Variants in HMGCS2 observed in about 807,000 individuals in gnomAD.
The protein encoded by HMGCS2 is 3-hydroxy-3-methylglutaryl-CoA synthase 2.
Under a neutral mutation model 57.4 loss-of-function variants are expected in HMGCS2, and 50 were observed. The observed-to-expected ratio is 0.87, with a 90% CI of 0.69 to 1.10. The LOEUF is 1.10. Ranked by LOEUF, HMGCS2 falls within the 50% of genes least tolerant of loss-of-function variation. The pLI, the probability that HMGCS2 is intolerant of heterozygous loss-of-function variation, is 0.00. For missense variants in HMGCS2, 627 were observed against 636.5 expected (o/e 0.99, Z 0.16); for synonymous variants, 254 against 245.1 (o/e 1.04, Z -0.34).
At chr1:119,767,462 C>T (rs1653273077) in intron 1 of HMGCS2, among the ~76,000 whole-genome samples, 1 of 152,094 alleles carries the variant, frequency 6.6e-6, no homozygotes, top group Admixed American at 6.6e-5. Flanking sequence ...AGCAGGGAGA[C>T]AATATGTGAG....
Position 119,764,549 on chromosome 1 carries a change from A to ATTGGCCTCCAGGGCCATATTGG in HMGCS2, c.181_182insCCAATATGGCCCTGGAGGCCAA (p.Val61AlafsTer19), listed in dbSNP as rs1553241079. Reference sequence around the variant, plus strand: ...GTCCACATATTGGGCTGGGAAGTAGACCTCCAGGGCCAGGATGCCCACGTC... The same window carrying ATTGGCCTCCAGGGCCATATTGG: ...GTCCACATATTGGGCTGGGAAGTAGATTGGCCTCCAGGGCCATATTGGCCTCCAGGGCCAGGATGCCCACGTC... On this transcript the variant is annotated frameshift_variant, in exon 2 of 10. Transcript: ENST00000369406. LOFTEE classifies it high-confidence loss of function. The ATTGGCCTCCAGGGCCATATTGG allele has an allele frequency of 1.5e-5, 25 of 1,614,096 alleles. No individual in the cohort carries two copies. In the South Asian group the frequency reaches 2.7e-4, roughly 18 times the overall value.
intron 4 of HMGCS2, 96 bp from the exon 5 acceptor site, chr1:119,757,534 T>TC: frequency 6.3e-7 from 1 of 1,591,728 alleles, no homozygotes. Context: ...TCTCCAGGCC[T>TC]CCCAGGGAAC....
At chr1:119,757,817 A>G (rs1393996936) in intron 4 of HMGCS2, among the ~76,000 whole-genome samples, 1 of 152,254 alleles carries the variant, frequency 6.6e-6, no homozygotes, top group East Asian at 1.9e-4. Context: ...ACTCTACTCT[A>G]CAGACTGTCT....
At chr1:119,758,334 G>A (rs1652921531) in intron 4 of HMGCS2, among the ~76,000 whole-genome samples, 2 of 152,220 alleles carry the variant, frequency 1.3e-5, no homozygotes, top group Non-Finnish European at 2.9e-5. Flanking sequence ...CTGGTCTCAA[G>A]CAATTTCCCC....
intron 2 of HMGCS2, among the ~76,000 whole-genome samples, chr1:119,760,791 A>T (rs587711526): frequency 6.6e-5 from 10 of 152,262 alleles, no homozygotes; most frequent in African/African-American, 2.2e-4. Context: ...GTATTCACCC[A>T]CAGCACTGCT....
chr1:119,753,721 T>A (rs1449936874), intron 6 of HMGCS2, among the ~76,000 whole-genome samples: 2 of 152,180 alleles, frequency 1.3e-5, no homozygotes, highest in Non-Finnish European at 2.9e-5. Flanking sequence ...GTAAATTCAG[T>A]GCATTCTGAA....
intron 2 of HMGCS2, among the ~76,000 whole-genome samples, chr1:119,762,670 C>G (rs1653088003): frequency 6.6e-6 from 1 of 152,196 alleles, no homozygotes; most frequent in South Asian, 2.1e-4. Flanking sequence ...GTTACTGTCA[C>G]CTGCAGGGTA....
At chr1:119,757,049 G>A (rs1358636196) in intron 5 of HMGCS2, among the ~76,000 whole-genome samples, 1 of 151,750 alleles carries the variant, frequency 6.6e-6, no homozygotes, top group Admixed American at 6.6e-5. Flanking sequence ...CCTTGATCCT[G>A]CAGTGCTGCC....
chr1:119,766,220 T>G (rs1231577920), intron 1 of HMGCS2, among the ~76,000 whole-genome samples: 1 of 152,224 alleles, frequency 6.6e-6, no homozygotes, highest in African/African-American at 2.4e-5. Context: ...CTGTTCACTT[T>G]AGCAACATTC....
intron 8 of HMGCS2, among the ~76,000 whole-genome samples, chr1:119,751,738 A>G (rs1049991969): frequency 3.3e-5 from 5 of 152,084 alleles, no homozygotes; most frequent in South Asian, 4.1e-4. Context: ...TTTCTTTGCT[A>G]TAACATATCC....
intron 1 of HMGCS2, among the ~76,000 whole-genome samples, chr1:119,766,029 G>A (rs1653214656): frequency 6.6e-6 from 1 of 152,200 alleles, no homozygotes. Context: ...AAAAAGGAAG[G>A]GGAAGGAGTC....
At position 119,755,604 on chromosome 1, in the gene HMGCS2, G is replaced by A; in HGVS notation, c.1017-7C>T. 2.5e-6 allele frequency: 4 copies of A among 1,613,968 alleles called. No homozygotes were observed. The highest frequency in any genetic ancestry group is 3.4e-6 in the Non-Finnish European group (4 of 1,179,906). ...GTCTTCCAGCTTTAGCCCCCTGTGA[G>A]GTAGCCAGAGGTAGCCATGTGAGAG... On this transcript the variant is annotated splice_polypyrimidine_tract_variant and splice_region_variant and intron_variant, in intron 5 of 9. Transcript: ENST00000369406.
Position 119,759,939 on chromosome 1 carries a change from TACC to T in HMGCS2, c.607_609del (p.Gly203del), listed in dbSNP as rs759006818. 1.2e-6 allele frequency: 2 copies of T among 1,614,092 alleles called. No individual in the cohort carries two copies. The highest frequency in any genetic ancestry group is 1.7e-5 in the Admixed American group (1 of 60,022). ...CCGGCCCCACCTGTGGGACGAGCATTACCACTGGGATAGACGGCAATGTCTCCA... is the reference window on the plus strand; with the variant it reads ...CCGGCCCCACCTGTGGGACGAGCATTACTGGGATAGACGGCAATGTCTCCA... On this transcript the variant is annotated inframe_deletion, in exon 3 of 10. Coordinates refer to ENST00000369406, the MANE Select transcript of HMGCS2 (RefSeq NM_005518.4).
chr1:119,755,201 T>C (rs587670371), intron 6 of HMGCS2, among the ~76,000 whole-genome samples: 8 of 152,024 alleles, frequency 5.3e-5, no homozygotes, highest in African/African-American at 1.9e-4. Flanking sequence ...AGAGATGAGG[T>C]TTCACCACGT....
At chr1:119,766,206 C>T (rs912298570) in intron 1 of HMGCS2, among the ~76,000 whole-genome samples, 3 of 152,186 alleles carry the variant, frequency 2.0e-5, no homozygotes, top group African/African-American at 7.2e-5. Flanking sequence ...GTACTTTATA[C>T]CTTCTGTTCA....
intron 4 of HMGCS2, among the ~76,000 whole-genome samples, chr1:119,758,857 G>A (rs1221484740): frequency 2.0e-5 from 3 of 152,196 alleles, no homozygotes; most frequent in African/African-American, 7.2e-5. Flanking sequence ...ACATCCCTTG[G>A]TTTCACACTG....
chr1:119,753,510 T>A (rs754042619), intron 6 of HMGCS2, 124 bp from the exon 7 acceptor site: 10 of 672,674 alleles, frequency 1.5e-5, no homozygotes, highest in Non-Finnish European at 2.7e-5. Context: ...ATCCCGATCT[T>A]CTCCCTGTCT....
intron 2 of HMGCS2, among the ~76,000 whole-genome samples, chr1:119,761,121 T>C (rs899759221): frequency 1.4e-4 from 20 of 148,122 alleles, no homozygotes; most frequent in African/African-American, 4.6e-4. Flanking sequence ...TATATAAATA[T>C]ATAAATGTAA....
chr1:119,765,097 T>G (rs1198252543), intron 1 of HMGCS2, among the ~76,000 whole-genome samples: 1 of 152,150 alleles, frequency 6.6e-6, no homozygotes, highest in African/African-American at 2.4e-5. Flanking sequence ...TCTTTTTTTT[T>G]CTCTTTTTTG....
Sources: gnomAD v4.1 joint callset for allele counts (sites outside exome capture counted in the v4.1 genomes callset) on GRCh38, gnomAD v4.1.1 for gene constraint, MANE v1.5 for transcripts, NCBI Gene and HGNC (gene_info 2026-07-23, HGNC 2026-07-21) for gene names.